Variants in EDIL3 observed in about 807,000 individuals in gnomAD.
EDIL3 encodes EGF-like repeat and discoidin I-like domain-containing protein 3.
EDIL3 carries 37 observed loss-of-function variants against 67.4 expected under a neutral mutation model. That is an observed-to-expected ratio of 0.55 (90% CI 0.42 to 0.72). The LOEUF is 0.72. Ranked by LOEUF, EDIL3 falls within the 30% of genes least tolerant of loss-of-function variation. EDIL3 has a pLI of 0.00. For missense variants in EDIL3, 527 were observed against 586.3 expected, an observed-to-expected ratio of 0.90 and a Z score of 1.04; for synonymous variants, 195 against 196.3, an observed-to-expected ratio of 0.99 and a Z score of 0.05.
chr5:84,073,141 C>A (rs961578742), intron 6 of EDIL3, among the ~76,000 whole-genome samples: 1 of 152,116 alleles, frequency 6.6e-6, no homozygotes, highest in African/African-American at 2.4e-5. Context: ...TGACAAAATT[C>A]AACAACTCTT....
At chr5:84,062,617 G>A (rs983872043) in intron 8 of EDIL3, among the ~76,000 whole-genome samples, 6 of 152,000 alleles carry the variant, frequency 3.9e-5, no homozygotes, top group African/African-American at 1.2e-4. Flanking sequence ...AATATCTTAA[G>A]TCATACTTCT....
In EDIL3 at chr5:84,253,175, C is replaced by A. The variant is rs971155141; in HGVS notation, c.196+909G>T. The stretch of plus-strand genomic sequence containing the variant: ...TGGGTAATTCAGACTGATCCCTGGA[C>A]GCTATTACTTTTCTTTTTCAAAACT... On this transcript the variant is annotated intron_variant, in intron 2 of 10. Transcript: ENST00000296591. 2.5e-4 allele frequency among the ~76,000 whole-genome samples: 38 copies of A among 152,150 alleles called. 1 individual carries two copies. The highest frequency in any genetic ancestry group is 3.5e-4 in the Non-Finnish European group (24 of 67,988).
At chr5:84,225,905 A>G (rs910076098) in intron 3 of EDIL3, among the ~76,000 whole-genome samples, 1 of 151,678 alleles carries the variant, frequency 6.6e-6, no homozygotes, top group Non-Finnish European at 1.5e-5. Flanking sequence ...TTTAAAATTC[A>G]AAATTCATAC....
chr5:84,147,151 C>G (rs73769746), intron 4 of EDIL3, among the ~76,000 whole-genome samples: 2 of 151,734 alleles, frequency 1.3e-5, no homozygotes, highest in Non-Finnish European at 2.9e-5. Context: ...TTGCCTGTAT[C>G]TAAACTTTAT....
chr5:84,013,021 A>G (rs1745542765), intron 9 of EDIL3, among the ~76,000 whole-genome samples: 2 of 151,972 alleles, frequency 1.3e-5, no homozygotes, highest in Non-Finnish European at 2.9e-5. Flanking sequence ...TATCGCTGGC[A>G]GATTCAAATA....
At position 84,341,404 on chromosome 5, in the gene EDIL3, G is replaced by T. The variant is rs189182356; in HGVS notation, c.67+42904C>A. On this transcript the variant is annotated intron_variant, in intron 1 of 10. Coordinates refer to ENST00000296591, the MANE Select transcript of EDIL3 (RefSeq NM_005711.5). ...AGTTTATACTCAGACAACTATGCCT[G>T]ACTATAAGTGAAAAAATTTACAAGA... Among the ~76,000 whole-genome samples the T allele has an allele frequency of 2.0e-4, 31 of 152,130 alleles. No homozygotes were observed. In the East Asian group the frequency reaches 5.8e-3, roughly 29 times the overall value.
At chr5:84,026,939 CA>C (rs1465860309) in intron 9 of EDIL3, among the ~76,000 whole-genome samples, 2 of 151,852 alleles carry the variant, frequency 1.3e-5, no homozygotes, top group East Asian at 3.9e-4. Flanking sequence ...ATAAAAAATA[CA>C]AAAAATTAGC....
chr5:84,141,869 G>A (rs1246926205), intron 4 of EDIL3, among the ~76,000 whole-genome samples: 12 of 144,062 alleles, frequency 8.3e-5, no homozygotes, highest in South Asian at 4.4e-4. Flanking sequence ...TGGAGATTTC[G>A]CTGTGAGAAG....
intron 2 of EDIL3, among the ~76,000 whole-genome samples, chr5:84,242,588 A>G (rs886587925): frequency 2.0e-5 from 3 of 151,898 alleles, no homozygotes; most frequent in Non-Finnish European, 2.9e-5. Context: ...GCTTGAGCCC[A>G]GAAGTTCAAG....
intron 1 of EDIL3, among the ~76,000 whole-genome samples, chr5:84,260,368 C>A (rs1484688067): frequency 2.0e-5 from 3 of 152,092 alleles, no homozygotes; most frequent in Admixed American, 1.3e-4. Context: ...ATAGGTAAGA[C>A]AGAGATGATT....
intron 4 of EDIL3, among the ~76,000 whole-genome samples, chr5:84,160,799 CCTTT>C (rs1748595882): frequency 2.1e-5 from 2 of 95,288 alleles, no homozygotes; most frequent in African/African-American, 4.1e-5. Context: ...CCTTTCCTTT[CCTTT>C]CCTTTCCTTT....
At chr5:84,381,949 G>A (rs1580114360) in intron 1 of EDIL3, among the ~76,000 whole-genome samples, 2 of 152,312 alleles carry the variant, frequency 1.3e-5, no homozygotes, top group East Asian at 3.9e-4. Context: ...CAATTTCTAA[G>A]AGACATGAGA....
At chr5:84,290,438 C>T (rs1157931719) in intron 1 of EDIL3, among the ~76,000 whole-genome samples, 2 of 152,166 alleles carry the variant, frequency 1.3e-5, no homozygotes, top group African/African-American at 4.8e-5. Flanking sequence ...ATCTCTAATA[C>T]TTGAGATACT....
intron 4 of EDIL3, among the ~76,000 whole-genome samples, chr5:84,139,187 A>G (rs555768888): frequency 6.6e-6 from 1 of 152,126 alleles, no homozygotes; most frequent in African/African-American, 2.4e-5. Context: ...CAGTGAGCCA[A>G]GACTGAGCTA....
At chr5:84,369,165 A>C (rs1380903465) in intron 1 of EDIL3, among the ~76,000 whole-genome samples, 1 of 151,678 alleles carries the variant, frequency 6.6e-6, no homozygotes, top group African/African-American at 2.4e-5. Flanking sequence ...TTGTGAAGCC[A>C]TGTTCATAGC....
At chr5:84,125,589 G>A (rs1747855227) in intron 5 of EDIL3, among the ~76,000 whole-genome samples, 1 of 151,988 alleles carries the variant, frequency 6.6e-6, no homozygotes, top group Non-Finnish European at 1.5e-5. Flanking sequence ...TTTAGTGGCA[G>A]TACCTTGATG....
At chr5:84,348,593 C>CAAA (rs34145102) in intron 1 of EDIL3, among the ~76,000 whole-genome samples, 43 of 139,158 alleles carry the variant, frequency 3.1e-4, no homozygotes, top group African/African-American at 1.1e-3. Flanking sequence ...TCCTCTGTGG[C>CAAA]AAAAAAAAAA....
chr5:84,057,397 GGGT>G (rs201590311), intron 9 of EDIL3, among the ~76,000 whole-genome samples: 45,858 of 151,676 alleles, frequency 0.3, 6,989 homozygotes, highest in South Asian at 0.35. Context: ...GCTACTTATG[GGGT>G]GTAAAATAGT....
In EDIL3 at chr5:84,104,449, T is replaced by C. The variant is rs150145351; in HGVS notation, c.651+2200A>G. Among the ~76,000 whole-genome samples the C allele has an allele frequency of 1.9e-3, 296 of 151,928 alleles. 2 individuals carry two copies. Among genetic ancestry groups the C allele is most frequent in the Middle Eastern group, 6.8e-3 (2 of 294 alleles). The stretch of plus-strand genomic sequence containing the variant: ...AAAAAATAACATTAAAAATATATTA[T>C]TAAAGAACACAATTATAAAATGAAT... On this transcript the variant is annotated intron_variant, in intron 6 of 10. Transcript: ENST00000296591.
Sources: allele counts gnomAD v4.1 joint callset (sites outside exome capture counted in the v4.1 genomes callset), GRCh38; gene constraint gnomAD v4.1.1; transcripts MANE v1.5; gene names NCBI Gene and HGNC (gene_info 2026-07-23, HGNC 2026-07-21).